Variants in LRP1 observed in about 807,000 individuals in gnomAD.
LRP1 encodes prolow-density lipoprotein receptor-related protein 1.
A neutral mutation model predicts 541.5 loss-of-function variants in LRP1; 51 were observed. That is an observed-to-expected ratio of 0.09 (90% CI 0.08 to 0.12). The LOEUF (loss-of-function observed/expected upper bound fraction) is 0.12, where lower values mean the gene tolerates loss of function less well. Ranked by LOEUF, LRP1 falls within the 10% of genes least tolerant of loss-of-function variation. The pLI is 1.00. For missense variants in LRP1, 3,878 were observed against 6,376.2 expected (o/e 0.61, Z 13.34); for synonymous variants, 2,219 against 2,470.8 (o/e 0.90, Z 3.02).
rs879015503 is a variant in LRP1, at chr12:57,195,408, C to T, written c.8437+9C>T. 1.8e-5 allele frequency: 29 copies of T among 1,602,904 alleles called. No individual in the cohort carries two copies. Among genetic ancestry groups the T allele is most frequent in the Non-Finnish European group, 2.3e-5 (27 of 1,178,836 alleles). On this transcript the variant is annotated intron_variant, in intron 52 of 88. Coordinates refer to ENST00000243077, the MANE Select transcript of LRP1 (RefSeq NM_002332.3). Reference sequence around the variant, plus strand: ...CATCGCAGCTGGTTGCTGTGAGTGGCGGGGCCACGTGGAGCGGGTGGACAG... The same window carrying T: ...CATCGCAGCTGGTTGCTGTGAGTGGTGGGGCCACGTGGAGCGGGTGGACAG...
rs1166965729 is a variant in LRP1 at position 57,138,312 on chromosome 12, G to GA, written c.68-146dup. ...TAGGAACTACCCAAAGCCACCCCCTGACACCCCCAGGCACATAGACCATGG... is the reference window on the plus strand; with the variant it reads ...TAGGAACTACCCAAAGCCACCCCCTGAACACCCCCAGGCACATAGACCATGG... On this transcript the variant is annotated intron_variant, in intron 1 of 88. Coordinates refer to ENST00000243077, the MANE Select transcript of LRP1 (RefSeq NM_002332.3). The GA allele has an allele frequency of 3.2e-6, 3 of 945,852 alleles. No individual in the cohort carries two copies. The African/African-American group carries it at 5.0e-5, about 16-fold the overall frequency. 58.6% of individuals were successfully genotyped at this position (945,852 alleles called of 1,614,324 possible). A position where few individuals can be genotyped will look rare whatever the true frequency, so the allele number is the denominator to read the frequency against.
chr12:57,180,235 GAGCCCT>G lies in LRP1; in HGVS notation c.5237-91_5237-86del, dbSNP rs548384249. 1.5e-4 allele frequency: 234 copies of G among 1,579,844 alleles called. 4 individuals are homozygous for G. The South Asian group carries it at 2.5e-3, about 17-fold the overall frequency. ...CTTCAGTTGCCCCTCAGCCTCCCCA[GAGCCCT>G]AGCTTAGTGCCTGTTCTCACCATCT... On this transcript the variant is annotated intron_variant, in intron 31 of 88. Coordinates refer to ENST00000243077, the MANE Select transcript of LRP1 (RefSeq NM_002332.3).
rs781112969 is a variant in LRP1 at position 57,185,802 on chromosome 12, A to C, written c.6735A>C (p.Ala2245=). ...NVIALAFDYR[A]GTSPGTPNRI... ...TCGCCCTGGCCTTTGACTACCGGGC[A>C]GGCACCTCTCCGGGCACCCCCAATC... The change falls in exon 41 of 89, where the codon GCA becomes GCC. Residue 2245 remains alanine (A), a synonymous_variant. Transcript: ENST00000243077. This position sits in a 1 kb window ranked among gnomAD's most constrained non-coding sequence, Gnocchi z 4.9. The C allele has an allele frequency of 6.2e-7, 1 of 1,614,192 alleles. No individual in the cohort carries two copies. The highest frequency in any genetic ancestry group is 8.5e-7 in the Non-Finnish European group (1 of 1,180,040).
chr12:57,146,478 C>T (rs2035408762), intron 6 of LRP1: 1 of 152,188 alleles, frequency 6.6e-6, no homozygotes, highest in African/African-American at 2.4e-5. Context: ...GATTGTGAAC[C>T]TTGGGCCTCT....
chr12:57,134,053 G>A (rs2035098746), intron 1 of LRP1, among the ~76,000 whole-genome samples: 1 of 152,070 alleles, frequency 6.6e-6, no homozygotes, highest in African/African-American at 2.4e-5. Flanking sequence ...GTGTCTGGAC[G>A]CACACCCAAC....
intron 78 of LRP1, 32 bp downstream of exon 78, chr12:57,208,849 A>G (rs34248177): frequency 0.016 from 24,569 of 1,558,836 alleles, 735 homozygotes; most frequent in African/African-American, 0.1. Context: ...AGGGACGGGC[A>G]TGGAGGGGGC....
chr12:57,194,919 C>T, intron 50 of LRP1, 66 bp from the exon 51 acceptor site: 1 of 1,353,282 alleles, frequency 7.4e-7, no homozygotes, highest in Admixed American at 1.7e-5. Context: ...CTTCCCATGG[C>T]ATCAGCCTCC....
chr12:57,200,499 G>A lies in LRP1; in HGVS notation c.10072G>A (p.Asp3358Asn), dbSNP rs1473290940. Reference protein sequence around the residue: ...PFWWKCDTEDDCGDHSDEPPD... With the variant: ...PFWWKCDTEDNCGDHSDEPPD... Reference sequence around the variant, plus strand: ...CTGGTGGAAGTGTGACACCGAGGACGACTGCGGGGACCACTCAGACGAGCC... The same window carrying A: ...CTGGTGGAAGTGTGACACCGAGGACAACTGCGGGGACCACTCAGACGAGCC... The change falls in exon 63 of 89, where the codon GAC becomes AAC. Residue 3358 changes from aspartate to asparagine, a missense_variant. By Grantham distance (23) the Asp-to-Asn change is conservative. Transcript: ENST00000243077. The A allele has an allele frequency of 6.2e-7, 1 of 1,612,396 alleles. No homozygotes were observed. The highest frequency in any genetic ancestry group is 8.5e-7 in the Non-Finnish European group (1 of 1,179,438).
At chr12:57,132,638 T>C (rs1265895881) in intron 1 of LRP1, among the ~76,000 whole-genome samples, 1 of 152,182 alleles carries the variant, frequency 6.6e-6, no homozygotes, top group African/African-American at 2.4e-5. Flanking sequence ...TGTCTGTCTG[T>C]CATTAGTGTG....
chr12:57,201,357 A>T lies in LRP1; in HGVS notation c.10346-140A>T. On this transcript the variant is annotated intron_variant, in intron 65 of 88. Coordinates refer to ENST00000243077, the MANE Select transcript of LRP1 (RefSeq NM_002332.3). This position sits in a 1 kb window ranked among gnomAD's most constrained non-coding sequence, Gnocchi z 6.4. The stretch of plus-strand genomic sequence containing the variant: ...AGATCCAGAAAACAAAAAGCACCAA[A>T]ACTGGGGATAAACTGTTCCTTCCTC... The T allele has an allele frequency of 7.1e-7, 1 of 1,405,682 alleles. No individual in the cohort carries two copies. Among genetic ancestry groups the T allele is most frequent in the Non-Finnish European group, 9.6e-7 (1 of 1,037,642 alleles). 87.1% of individuals were successfully genotyped at this position (1,405,682 alleles called of 1,614,324 possible). A position where few individuals can be genotyped will look rare whatever the true frequency, so the allele number is the denominator to read the frequency against.
At chr12:57,176,892 T>C in intron 24 of LRP1, 149 bp from the exon 25 acceptor site, 1 of 620,758 alleles carries the variant, frequency 1.6e-6, no homozygotes, top group Non-Finnish European at 2.8e-6. Flanking sequence ...GGGGAGACAA[T>C]AGGAGTCCTA....
At chr12:57,129,446 G>T (rs1266882234) in intron 1 of LRP1, among the ~76,000 whole-genome samples, 1 of 151,224 alleles carries the variant, frequency 6.6e-6, no homozygotes, top group African/African-American at 2.5e-5. Flanking sequence ...GGGGTGGGGG[G>T]GGTGGCTTTT....
chr12:57,184,769 C>G lies in LRP1; in HGVS notation c.6187-70C>G, dbSNP rs2036235376. The G allele has an allele frequency of 6.5e-7, 1 of 1,537,198 alleles. No homozygotes were observed. On this transcript the variant is annotated intron_variant, in intron 38 of 88. Transcript: ENST00000243077. The surrounding 1 kb of genome is among the most constrained non-coding windows in gnomAD (Gnocchi z 7.8). Reference sequence around the variant, plus strand: ...GGCCTCACTCTGGCCCAGGCACTCCCTGCTGCCCCAGACATGGGGCTGGCA... The same window carrying G: ...GGCCTCACTCTGGCCCAGGCACTCCGTGCTGCCCCAGACATGGGGCTGGCA...
chr12:57,170,515 AAAAAG>A (rs1305775095), intron 20 of LRP1, among the ~76,000 whole-genome samples: 3 of 152,048 alleles, frequency 2.0e-5, no homozygotes, highest in Non-Finnish European at 2.9e-5. Flanking sequence ...CCCATCTTGA[AAAAAG>A]AAAAGAAAAA....
At position 57,206,559 on chromosome 12, in the gene LRP1, G is replaced by A. The variant is rs1401372159; in HGVS notation, c.11677G>A (p.Ala3893Thr). The change falls in exon 76 of 89, where the codon GCA becomes ACA. Residue 3893 changes from alanine to threonine, a missense_variant. Physicochemically the swap from Ala to Thr is moderately conservative, Grantham distance 58 (BLOSUM62 0). Around this residue, in one of 13 missense-constraint regions of LRP1, gnomAD observed 871 missense variants for 1,212.4 expected, o/e 0.72. Transcript: ENST00000243077. This position sits in a 1 kb window ranked among gnomAD's most constrained non-coding sequence, Gnocchi z 4.7. Reference protein sequence around the residue: ...PGHPHSAYEQAFQGDESVRID... With the variant: ...PGHPHSAYEQTFQGDESVRID... ...CCACCCCCATTCGGCTTACGAGCAG[G>A]CATTCCAGGGTGACGAGAGTGTCCG... 2.5e-6 allele frequency: 4 copies of A among 1,614,180 alleles called. No individual in the cohort carries two copies. In the East Asian group the frequency reaches 8.9e-5, roughly 36 times the overall value.
chr12:57,203,652 A>G lies in LRP1; in HGVS notation c.10951+131A>G. On this transcript the variant is annotated intron_variant, in intron 70 of 88. Coordinates refer to ENST00000243077, the MANE Select transcript of LRP1 (RefSeq NM_002332.3). ...AACAAATATTTATTAAGCATTTACC[A>G]TGTACCAGGCACTGCCATAGGTGTT... The G allele has an allele frequency of 1.1e-5, 13 of 1,202,870 alleles. No individual in the cohort carries two copies. In the South Asian group the frequency reaches 2.0e-4, roughly 18 times the overall value. The allele number at this position is 1,202,870 out of a possible 1,614,324, so 74.5% of individuals were successfully genotyped here.
chr12:57,210,095 G>A lies in LRP1; in HGVS notation c.12506G>A (p.Cys4169Tyr). ...LCLLSPSGPV[C>Y]TCPNGKRLDN... ...CTGCTGAGCCCCAGTGGGCCTGTCT[G>A]CACCTGTCCCAATGGGAAGCGGCTG... The change falls in exon 81 of 89, where the codon TGC becomes TAC. Residue 4169 changes from cysteine to tyrosine, a missense_variant. By Grantham distance (194) the Cys-to-Tyr change is radical. Around this residue, in one of 13 missense-constraint regions of LRP1, gnomAD observed 871 missense variants for 1,212.4 expected, o/e 0.72. Transcript: ENST00000243077. The A allele has an allele frequency of 6.2e-7, 1 of 1,613,632 alleles. No homozygotes were observed.
In LRP1 at chr12:57,200,424, C is replaced by A; in HGVS notation, c.10015-18C>A. 1 of 1,216,896 alleles carries A rather than the reference C, an allele frequency of 8.2e-7. No homozygotes were observed. Among genetic ancestry groups the A allele is most frequent in the Non-Finnish European group, 1.2e-6 (1 of 836,960 alleles). The allele number at this position is 1,216,896 out of a possible 1,614,324, so 75.4% of individuals were successfully genotyped here. ...CCCAGACCCCCACCAACCCCTCTTG[C>A]CCCCACCTGCCCTCCAGTTTGTATG... On this transcript the variant is annotated intron_variant, in intron 62 of 88. Transcript: ENST00000243077.
At position 57,165,417 on chromosome 12, in the gene LRP1, A is replaced by G. The variant is rs1453753489; in HGVS notation, c.2531-388A>G. 2 of 176,622 alleles carry G rather than the reference A, an allele frequency of 1.1e-5. No individual in the cohort carries two copies. Among genetic ancestry groups the G allele is most frequent in the Non-Finnish European group, 2.4e-5 (2 of 82,494 alleles). 10.9% of individuals were successfully genotyped at this position (176,622 alleles called of 1,614,324 possible). On this transcript the variant is annotated intron_variant, in intron 15 of 88. Transcript: ENST00000243077. This position sits in a 1 kb window ranked among gnomAD's most constrained non-coding sequence, Gnocchi z 4.5. Reference sequence around the variant, plus strand: ...CTGGTGGGACCGATGAAACTGTGAAATAAAAAGTCCAGGGACCGGGGCAGG... The same window carrying G: ...CTGGTGGGACCGATGAAACTGTGAAGTAAAAAGTCCAGGGACCGGGGCAGG...
Sources: gnomAD v4.1 joint callset for allele counts (sites outside exome capture counted in the v4.1 genomes callset) on GRCh38, gnomAD v4.1.1 for gene constraint, gnomAD v4.1.1 regional missense constraint, Gnocchi (gnomAD v3.1) non-coding constraint, MANE v1.5 for transcripts, NCBI Gene and HGNC (gene_info 2026-07-23, HGNC 2026-07-21) for gene names.